Variants in EML1 observed in about 807,000 individuals in gnomAD.
The protein encoded by EML1 is echinoderm microtubule-associated protein-like 1.
EML1 carries 27 observed loss-of-function variants against 110.4 expected under a neutral mutation model. The observed-to-expected ratio is 0.24, with a 90% CI of 0.18 to 0.34. The LOEUF (loss-of-function observed/expected upper bound fraction) is 0.34. Ranked by LOEUF, EML1 falls within the 10% of genes least tolerant of loss-of-function variation. The pLI, the probability that EML1 is intolerant of heterozygous loss-of-function variation, is 1.00. For synonymous variants in EML1, 344 were observed against 385.8 expected, an observed-to-expected ratio of 0.89 and a Z score of 1.27; for missense variants, 741 against 1,030.9, an observed-to-expected ratio of 0.72 and a Z score of 3.85.
chr14:99,914,960 TC>T, intron 15 of EML1: 1 of 479,038 alleles, frequency 2.1e-6, no homozygotes, highest in Admixed American at 4.0e-5. Flanking sequence ...TGTCAGATTT[TC>T]TGAGTACAGT....
intron 17 of EML1, among the ~76,000 whole-genome samples, chr14:99,923,073 C>T (rs1046902870): frequency 1.3e-5 from 2 of 152,138 alleles, no homozygotes; most frequent in African/African-American, 4.8e-5. Flanking sequence ...TCCCAAGTAG[C>T]TGGGAACACA....
At chr14:99,875,889 A>AT (rs2059282647) in intron 3 of EML1, among the ~76,000 whole-genome samples, 1 of 152,198 alleles carries the variant, frequency 6.6e-6, no homozygotes, top group African/African-American at 2.4e-5. Flanking sequence ...AAAAACACAC[A>AT]TTTTGACCTT....
chr14:99,769,579 C>G (rs1019569729), upstream of EML1, among the ~76,000 whole-genome samples: 3 of 152,228 alleles, frequency 2.0e-5, no homozygotes, highest in African/African-American at 7.2e-5. Flanking sequence ...GATATCACTT[C>G]TTTCTGAGAC....
chr14:99,770,163 T>C (rs1284604364), upstream of EML1, among the ~76,000 whole-genome samples: 3 of 152,178 alleles, frequency 2.0e-5, no homozygotes, highest in Non-Finnish European at 4.4e-5. Context: ...TGGGCTACTA[T>C]AAAAGAATAT....
At chr14:99,819,379 A>G (rs576888768) in intron 1 of EML1, among the ~76,000 whole-genome samples, 11 of 152,340 alleles carry the variant, frequency 7.2e-5, no homozygotes, top group African/African-American at 2.2e-4. Flanking sequence ...AAAAATACCA[A>G]TTACAGTTTA....
chr14:99,760,241 T>C (rs2057300938), intron 1 of EML1, among the ~76,000 whole-genome samples: 1 of 152,034 alleles, frequency 6.6e-6, no homozygotes, highest in Admixed American at 6.5e-5. Flanking sequence ...TCAGCTGTCG[T>C]CCCTTCTCCC....
chr14:99,808,697 T>C (rs749331809), intron 1 of EML1, among the ~76,000 whole-genome samples: 12 of 152,184 alleles, frequency 7.9e-5, no homozygotes, highest in African/African-American at 1.4e-4. Flanking sequence ...GATGATACAG[T>C]TTACACAAAA....
At chr14:99,904,019 G>A (rs913696635) in intron 9 of EML1, among the ~76,000 whole-genome samples, 2 of 152,088 alleles carry the variant, frequency 1.3e-5, no homozygotes, top group African/African-American at 2.4e-5. Context: ...CTGACCTCAA[G>A]TGATCCACCC....
intron 1 of EML1, among the ~76,000 whole-genome samples, chr14:99,739,800 C>T (rs2057021549): frequency 1.3e-5 from 2 of 152,154 alleles, no homozygotes. Context: ...TCCTGCCCGG[C>T]AGCAACCAGT....
chr14:99,891,993 A>T, intron 5 of EML1: 1 of 215,672 alleles, frequency 4.6e-6, no homozygotes, highest in Non-Finnish European at 7.9e-6. Context: ...CCACATTGTG[A>T]GCGCACTTGT....
intron 17 of EML1, among the ~76,000 whole-genome samples, chr14:99,932,078 G>A (rs1566945280): frequency 6.6e-6 from 1 of 152,148 alleles, no homozygotes; most frequent in Non-Finnish European, 1.5e-5. Flanking sequence ...CCTGGGTGGG[G>A]TGGGGTGGTC....
intron 1 of EML1, among the ~76,000 whole-genome samples, chr14:99,833,451 T>C (rs527337429): frequency 6.6e-6 from 1 of 152,364 alleles, no homozygotes; most frequent in South Asian, 2.1e-4. Flanking sequence ...TTCAAAGTTG[T>C]GGCTAGTCTA....
At chr14:99,866,358 G>T (rs2059099213) in intron 3 of EML1, among the ~76,000 whole-genome samples, 1 of 152,040 alleles carries the variant, frequency 6.6e-6, no homozygotes, top group Non-Finnish European at 1.5e-5. Context: ...ATCATCTGTG[G>T]TCAGGAGTTC....
At chr14:99,758,076 T>C (rs898165914) in intron 1 of EML1, among the ~76,000 whole-genome samples, 23 of 152,346 alleles carry the variant, frequency 1.5e-4, no homozygotes, top group African/African-American at 5.5e-4. Context: ...TCTCACTGAC[T>C]GTAAGACATA....
chr14:99,902,380 G>A (rs774273731), intron 9 of EML1, among the ~76,000 whole-genome samples: 27 of 152,106 alleles, frequency 1.8e-4, no homozygotes, highest in Non-Finnish European at 3.5e-4. Flanking sequence ...CTTCTGAGCC[G>A]CAGTCAGAGA....
rs751780118 is a variant in EML1, at chr14:99,901,052, C to T, written c.1008+13C>T. ...ATTCTCAAAATCTGTAAGTATGTGC[C>T]CTGTGGATATTGCTGTCTTCTTCCA... On this transcript the variant is annotated intron_variant, in intron 9 of 21. Coordinates refer to ENST00000262233, the MANE Select transcript of EML1 (RefSeq NM_004434.3). The T allele has an allele frequency of 6.2e-6, 10 of 1,603,594 alleles. No individual in the cohort carries two copies. The highest frequency in any genetic ancestry group is 3.3e-5 in the Admixed American group (2 of 59,954).
chr14:99,939,347 A>C lies in EML1; in HGVS notation c.2322+20A>C. 6.2e-7 allele frequency: 1 copy of C among 1,613,954 alleles called. No individual in the cohort carries two copies. Among genetic ancestry groups the C allele is most frequent in the Non-Finnish European group, 8.5e-7 (1 of 1,179,926 alleles). On this transcript the variant is annotated intron_variant, in intron 21 of 21. Transcript: ENST00000262233. This position sits in a 1 kb window ranked among gnomAD's most constrained non-coding sequence, Gnocchi z 4.2. ...TTCAGGGTAAAGGACTTGTTTCTTC[A>C]CTAATCTTATCCCCCATGGGGCATG...
chr14:99,886,669 A>G (rs981143522), intron 4 of EML1, among the ~76,000 whole-genome samples: 1 of 152,236 alleles, frequency 6.6e-6, no homozygotes, highest in Non-Finnish European at 1.5e-5. Context: ...CTAGTTGCCC[A>G]GGACTTCTTA....
intron 1 of EML1, among the ~76,000 whole-genome samples, chr14:99,775,948 C>T (rs1285677104): frequency 6.6e-6 from 1 of 152,156 alleles, no homozygotes; most frequent in African/African-American, 2.4e-5. Context: ...AGGAATTTTA[C>T]AGCACAATTT....
Sources: gnomAD v4.1 joint callset for allele counts (sites outside exome capture counted in the v4.1 genomes callset) on GRCh38, gnomAD v4.1.1 for gene constraint, Gnocchi (gnomAD v3.1) non-coding constraint, MANE v1.5 for transcripts, NCBI Gene and HGNC (gene_info 2026-07-23, HGNC 2026-07-21) for gene names.